ARRB2: variants seen among roughly 807,000 people sequenced by gnomAD.
ARRB2 encodes the protein beta-arrestin-2.
ARRB2 carries 21 observed loss-of-function variants against 53.4 expected under a neutral mutation model. That is an observed-to-expected ratio of 0.39 (90% CI 0.28 to 0.57). ARRB2 has a LOEUF of 0.57. Among genes scored for constraint, ARRB2 ranks in the 20% least tolerant of loss-of-function variants. The pLI is 0.55. For missense variants in ARRB2, 369 were observed against 527.5 expected (o/e 0.70, Z 2.94); for synonymous variants, 180 against 212.9 (o/e 0.85, Z 1.34).
At chr17:4,718,493 C>A in intron 9 of ARRB2, 119 bp from the exon 10 acceptor site, 1 of 1,223,612 alleles carries the variant, frequency 8.2e-7, no homozygotes, top group Non-Finnish European at 1.2e-6. Context: ...ATACGGGGAG[C>A]CTCGGTGTTT....
At chr17:4,713,482 T>G (rs1914633114) in intron 1 of ARRB2, among the ~76,000 whole-genome samples, 1 of 150,984 alleles carries the variant, frequency 6.6e-6, no homozygotes, top group South Asian at 2.1e-4. Context: ...AATACCAAAA[T>G]TCGCCGGGCG....
rs1915444230 is a variant in ARRB2, at chr17:4,719,307, A to G, written c.804A>G (p.Thr268=). 5 of 1,613,532 alleles carry G rather than the reference A, an allele frequency of 3.1e-6. No individual in the cohort carries two copies. In the South Asian group the frequency reaches 4.4e-5, roughly 14 times the overall value. The part of the protein sequence containing the change: ...EQDDQVSPSS[T]FCKVYTITPL... ...GTGACCAGGTATCTCCCAGCTCCAC[A>G]TTCTGTAAGGTGTACACCATAACCC... The change falls in exon 11 of 15, where the codon ACA becomes ACG. Residue 268 remains threonine (T), a synonymous_variant. Transcript: ENST00000269260.
rs1915044885 is a variant in ARRB2, at chr17:4,716,514, T to C, written c.263T>C (p.Phe88Ser). ...CTGTTCATCGCCACCTACCAGGCCT[T>C]CCCCCCGGTGCCCAACCCACCCCGG... is the stretch of plus-strand genomic sequence containing the variant. ...KDLFIATYQA[F>S]PPVPNPPRPP... Residue 88 changes from phenylalanine to serine, a missense_variant, in exon 5 of 15, where the codon TTC (phenylalanine) becomes TCC (serine). By Grantham distance (155) the Phe-to-Ser change is radical. Transcript: ENST00000269260. 4 of 1,612,120 alleles carry C rather than the reference T, an allele frequency of 2.5e-6. No homozygotes were observed. Among genetic ancestry groups the C allele is most frequent in the Non-Finnish European group, 2.5e-6 (3 of 1,179,150 alleles).
At position 4,716,561 on chromosome 17, in the gene ARRB2, C is replaced by T. The variant is rs1391841658; in HGVS notation, c.310C>T (p.Arg104Trp). 4 of 1,590,444 alleles carry T rather than the reference C, an allele frequency of 2.5e-6. No individual in the cohort carries two copies. The highest frequency in any genetic ancestry group is 1.7e-5 in the Admixed American group (1 of 57,448). The part of the protein sequence containing the change: ...PPRPPTRLQD[R>W]LLRKLGQHAH... ...CCGGCCCCCCACCCGCCTGCAGGAC[C>T]GGCTGCTGAGGAAGCTGGGCCAGCA... is the stretch of plus-strand genomic sequence containing the variant. The change falls in exon 5 of 15, where the codon CGG becomes TGG. Residue 104 changes from arginine to tryptophan, a missense_variant. Physicochemically the swap from Arg to Trp is moderately radical, Grantham distance 101 (BLOSUM62 -3). Coordinates refer to ENST00000269260, the MANE Select transcript of ARRB2 (RefSeq NM_004313.4).
chr17:4,720,338 GCT>G (rs1567687482), intron 12 of ARRB2, 39 bp downstream of exon 12: 1 of 1,613,792 alleles, frequency 6.2e-7, no homozygotes, highest in African/African-American at 1.3e-5. Flanking sequence ...GGTCACACTG[GCT>G]CTCTCTAGTC....
intron 1 of ARRB2, among the ~76,000 whole-genome samples, chr17:4,712,004 A>T (rs1452353863): frequency 1.3e-5 from 2 of 152,188 alleles, no homozygotes; most frequent in Non-Finnish European, 2.9e-5. Context: ...GCCTGGCAGG[A>T]GGTGGCTGGG....
At chr17:4,716,751 C>T (rs1915105528) in intron 5 of ARRB2, 143 bp downstream of exon 5, 4 of 1,408,728 alleles carry the variant, frequency 2.8e-6, no homozygotes, top group East Asian at 5.0e-5. Flanking sequence ...GGTCCCAGTG[C>T]ATTCAGGAAG....
intron 4 of ARRB2, 35 bp from the exon 5 acceptor site, chr17:4,716,377 G>A (rs1182493865): frequency 9.3e-6 from 15 of 1,613,890 alleles, no homozygotes; most frequent in South Asian, 3.3e-5. Context: ...GGGGAAGTGG[G>A]GCTCCTGACC....
rs560514524 is a variant in ARRB2, at chr17:4,710,822, C to T, written c.23+78C>T. On this transcript the variant is annotated intron_variant, in intron 1 of 14. Transcript: ENST00000269260. The stretch of plus-strand genomic sequence containing the variant: ...GCTGGGACGGTCCCAGACGAGGGCG[C>T]AGCGGAGAGGATCTGGGGGCCGGAC... The T allele has an allele frequency of 3.5e-5, 14 of 397,098 alleles. No individual in the cohort carries two copies. In the East Asian group the frequency reaches 3.6e-4, roughly 10 times the overall value. The allele number at this position is 397,098 out of a possible 1,614,324, so 24.6% of individuals were successfully genotyped here. A position where few individuals can be genotyped will look rare whatever the true frequency, so the allele number is the denominator to read the frequency against.
At chr17:4,716,231 G>T (rs762108356) in intron 4 of ARRB2, 40 bp downstream of exon 4, 2 of 1,613,250 alleles carry the variant, frequency 1.2e-6, no homozygotes, top group Non-Finnish European at 1.7e-6. Flanking sequence ...GAAAGTGGGG[G>T]CTAGGGAAGT....
chr17:4,719,245 C>T (rs201314347), intron 10 of ARRB2, 38 bp from the exon 11 acceptor site: 267 of 1,591,846 alleles, frequency 1.7e-4, no homozygotes, highest in Non-Finnish European at 2.1e-4. Context: ...CCCAGCCCAG[C>T]GCCCCTAAGC....
In ARRB2 at chr17:4,715,128, C is replaced by T. The variant is rs1914812047; in HGVS notation, c.54+85C>T. 8 of 1,463,788 alleles carry T rather than the reference C, an allele frequency of 5.5e-6. No homozygotes were observed. The South Asian group carries it at 9.9e-5, about 18-fold the overall frequency. The allele number at this position is 1,463,788 out of a possible 1,614,324, so 90.7% of individuals were successfully genotyped here. ...TCCCCTAGACGATCCCCAACCTACCCAAAGATGATCCCCAACCCCTAGCTC... is the reference window on the plus strand; with the variant it reads ...TCCCCTAGACGATCCCCAACCTACCTAAAGATGATCCCCAACCCCTAGCTC... On this transcript the variant is annotated intron_variant, in intron 2 of 14. Coordinates refer to ENST00000269260, the MANE Select transcript of ARRB2 (RefSeq NM_004313.4).
Position 4,717,893 on chromosome 17 carries a change from CTG to C in ARRB2, c.494_495del (p.Val165AlafsTer30). 2 of 1,614,078 alleles carry C rather than the reference CTG, an allele frequency of 1.2e-6. No individual in the cohort carries two copies. The highest frequency in any genetic ancestry group is 1.7e-6 in the Non-Finnish European group (2 of 1,180,030). On this transcript the variant is annotated frameshift_variant, in exon 8 of 15. Transcript: ENST00000269260. LOFTEE classifies it high-confidence loss of function. This position sits in a 1 kb window ranked among gnomAD's most constrained non-coding sequence, Gnocchi z 6.0. Reference sequence around the variant, plus strand: ...TGCCCCTACTCTGATCCCAGGAACTCTGTGCGGCTGGTGATCCGAAAGGTGCA... The same window carrying C: ...TGCCCCTACTCTGATCCCAGGAACTCTGCGGCTGGTGATCCGAAAGGTGCA...
In ARRB2 at chr17:4,719,407, G is replaced by C; in HGVS notation, c.904G>C (p.Ala302Pro). ...ACTCAAGCACGAGGACACCAACCTG[G>C]CTTCCAGCACCATGTGAGGGTGGGG... ...GKLKHEDTNL[A>P]SSTIVKEGAN... Residue 302 changes from alanine (A) to proline (P), a missense_variant, in exon 11 of 15, where the codon GCT becomes CCT. By Grantham distance (27) the Ala-to-Pro change is conservative (BLOSUM62 -1). Coordinates refer to ENST00000269260, the MANE Select transcript of ARRB2 (RefSeq NM_004313.4). The C allele has an allele frequency of 6.2e-7, 1 of 1,614,010 alleles. No homozygotes were observed. Among genetic ancestry groups the C allele is most frequent in the Non-Finnish European group, 8.5e-7 (1 of 1,179,938 alleles).
In ARRB2 at chr17:4,716,524, G is replaced by GGCCCCCCCCCCCCCCCC; in HGVS notation, c.273_274insGCCCCCCCCCCCCCCCC (p.Pro92AlafsTer21). ...CCACCTACCAGGCCTTCCCCCCGGTGCCCAACCCACCCCGGCCCCCCACCC... is the reference window on the plus strand; with the variant it reads ...CCACCTACCAGGCCTTCCCCCCGGTGGCCCCCCCCCCCCCCCCCCCAACCCACCCCGGCCCCCCACCC... On this transcript the variant is annotated frameshift_variant, in exon 5 of 15. Coordinates refer to ENST00000269260, the MANE Select transcript of ARRB2 (RefSeq NM_004313.4). LOFTEE classifies it high-confidence loss of function. The GGCCCCCCCCCCCCCCCC allele has an allele frequency of 6.3e-7, 1 of 1,599,144 alleles. No homozygotes were observed. The highest frequency in any genetic ancestry group is 1.7e-5 in the Admixed American group (1 of 59,232).
chr17:4,712,252 A>G (rs1272475308), intron 1 of ARRB2, among the ~76,000 whole-genome samples: 1 of 152,238 alleles, frequency 6.6e-6, no homozygotes, highest in African/African-American at 2.4e-5. Flanking sequence ...CGGCTACCAT[A>G]TCGATGTGTA....
Position 4,717,988 on chromosome 17 carries a change from C to G in ARRB2, c.586C>G (p.Arg196Gly). 6.2e-7 allele frequency: 1 copy of G among 1,613,584 alleles called. No homozygotes were observed. Among genetic ancestry groups the G allele is most frequent in the Non-Finnish European group, 8.5e-7 (1 of 1,180,024 alleles). ...CACACGCCACTTCCTCATGTCTGAC[C>G]GGTCCCTGCACCTCGAGGCTTCCCT... ...ETTRHFLMSD[R>G]SLHLEASLDK... The change falls in exon 8 of 15, where the codon CGG becomes GGG. Residue 196 changes from arginine to glycine, a missense_variant. Transcript: ENST00000269260. The surrounding 1 kb of genome is among the most constrained non-coding windows in gnomAD (Gnocchi z 6.0).
chr17:4,720,085 G>C (rs531144128), intron 11 of ARRB2, 131 bp from the exon 12 acceptor site: 23 of 891,502 alleles, frequency 2.6e-5, no homozygotes, highest in Non-Finnish European at 3.9e-5. Context: ...ATAACCGCAC[G>C]GCCTGGGCTG....
intron 14 of ARRB2, 51 bp from the exon 15 acceptor site, chr17:4,720,895 G>A (rs751028239): frequency 6.3e-6 from 10 of 1,576,122 alleles, no homozygotes; most frequent in Non-Finnish European, 8.7e-6. Context: ...GTGGGAGGCT[G>A]GGACAAGAGT....
Sources: gnomAD v4.1 joint callset for allele counts (sites outside exome capture counted in the v4.1 genomes callset) on GRCh38, gnomAD v4.1.1 for gene constraint, Gnocchi (gnomAD v3.1) non-coding constraint, MANE v1.5 for transcripts, NCBI Gene and HGNC (gene_info 2026-07-23, HGNC 2026-07-21) for gene names.